Variants in TMX4 observed in about 807,000 individuals in gnomAD.
TMX4 encodes the protein thioredoxin-related transmembrane protein 4.
A neutral mutation model predicts 33.3 loss-of-function variants in TMX4; 23 were observed. The observed-to-expected ratio is 0.69, with a 90% CI of 0.50 to 0.98. The LOEUF (loss-of-function observed/expected upper bound fraction) is 0.98. Ranked by LOEUF, TMX4 falls within the 50% of genes least tolerant of loss-of-function variation. TMX4 has a pLI of 0.00. For synonymous variants in TMX4, 164 were observed against 161.5 expected, an observed-to-expected ratio of 1.02 and a Z score of -0.12; for missense variants, 399 against 448.9, an observed-to-expected ratio of 0.89 and a Z score of 1.01.
At chr20:7,990,349 A>T (rs2050649243) in intron 5 of TMX4, among the ~76,000 whole-genome samples, 1 of 152,124 alleles carries the variant, frequency 6.6e-6, no homozygotes, top group African/African-American at 2.4e-5. Flanking sequence ...ATGTCATCTG[A>T]TGGGTGTGAC....
intron 5 of TMX4, among the ~76,000 whole-genome samples, chr20:7,988,732 A>T (rs2050640938): frequency 6.6e-6 from 1 of 152,228 alleles, no homozygotes; most frequent in Non-Finnish European, 1.5e-5. Context: ...ACTGTTTATT[A>T]AGAGTAACTT....
intron 1 of TMX4, among the ~76,000 whole-genome samples, chr20:8,016,326 C>T (rs573736035): frequency 2.0e-5 from 3 of 152,188 alleles, no homozygotes; most frequent in South Asian, 2.1e-4. Context: ...GAGCTGAAAT[C>T]GCACCACTGC....
chr20:7,992,613 C>T (rs994957237), intron 5 of TMX4, among the ~76,000 whole-genome samples: 1 of 152,114 alleles, frequency 6.6e-6, no homozygotes, highest in Non-Finnish European at 1.5e-5. Flanking sequence ...GTTAAGAAGG[C>T]CAAATGCAAA....
intron 2 of TMX4, 123 bp downstream of exon 2, chr20:8,010,077 C>T: frequency 1.5e-6 from 1 of 666,112 alleles, no homozygotes; most frequent in East Asian, 3.2e-5. Context: ...TAATCTGCTA[C>T]TTAAAGGTGG....
chr20:7,991,735 A>G (rs2050655851), intron 5 of TMX4, among the ~76,000 whole-genome samples: 1 of 152,218 alleles, frequency 6.6e-6, no homozygotes, highest in East Asian at 1.9e-4. Flanking sequence ...AATAATGATT[A>G]ATACATATAA....
At chr20:7,986,341 G>A (rs1012690611) in intron 6 of TMX4, among the ~76,000 whole-genome samples, 6 of 152,144 alleles carry the variant, frequency 3.9e-5, no homozygotes, top group South Asian at 2.1e-4. Flanking sequence ...AAGTCAAATC[G>A]AGCCTCCTTG....
chr20:7,985,259 A>G (rs201310443), intron 6 of TMX4, among the ~76,000 whole-genome samples: 103 of 128,118 alleles, frequency 8.0e-4, no homozygotes, highest in East Asian at 1.9e-3. Flanking sequence ...GTGTGTGTGT[A>G]TATATATATA....
intron 5 of TMX4, among the ~76,000 whole-genome samples, chr20:7,993,747 G>T (rs1229508125): frequency 6.6e-6 from 1 of 151,654 alleles, no homozygotes; most frequent in African/African-American, 2.4e-5. Context: ...TGATATGGAG[G>T]GCAGTATCAG....
intron 6 of TMX4, among the ~76,000 whole-genome samples, chr20:7,985,320 C>T (rs1327839474): frequency 6.8e-6 from 1 of 146,774 alleles, no homozygotes; most frequent in Non-Finnish European, 1.5e-5. Context: ...GTCACCCAGG[C>T]TGGAGTACAG....
chr20:8,007,749 A>C (rs1343689755), intron 2 of TMX4, among the ~76,000 whole-genome samples: 1 of 152,172 alleles, frequency 6.6e-6, no homozygotes, highest in African/African-American at 2.4e-5. Flanking sequence ...TTACTTCCTC[A>C]ATTTATCAAG....
In TMX4 at chr20:8,019,516, G is replaced by T. The variant is rs1402940490; in HGVS notation, c.98C>A (p.Pro33Gln). Residue 33 changes from proline to glutamine, a missense_variant, in exon 1 of 8, where the codon CCG becomes CAG. Pro to Gln is a moderately conservative substitution (Grantham distance 76). Coordinates refer to ENST00000246024, the MANE Select transcript of TMX4 (RefSeq NM_021156.4). The part of the protein sequence containing the change: ...ATAGPEEAAL[P>Q]PEQSRVQPMT... ...GGGCTGGACCCGGCTCTGCTCCGGC[G>T]GCAGCGCGGCCTCCTCGGGGCCTGC... 6.7e-7 allele frequency: 1 copy of T among 1,498,258 alleles called. No homozygotes were observed. The highest frequency in any genetic ancestry group is 8.9e-7 in the Non-Finnish European group (1 of 1,124,422). 92.8% of individuals were successfully genotyped at this position (1,498,258 alleles called of 1,614,324 possible).
chr20:8,018,965 C>T (rs2050796867), intron 1 of TMX4: 1 of 437,800 alleles, frequency 2.3e-6, no homozygotes, highest in African/African-American at 2.1e-5. Flanking sequence ...AGGTAACTTG[C>T]TTAGCCTGTG....
At chr20:8,002,320 C>T (rs1290527057) in intron 2 of TMX4, among the ~76,000 whole-genome samples, 1 of 152,094 alleles carries the variant, frequency 6.6e-6, no homozygotes, top group East Asian at 1.9e-4. Flanking sequence ...CCTTTATTCT[C>T]ACAGAGCTTA....
At chr20:8,008,583 C>A (rs1017502494) in intron 2 of TMX4, among the ~76,000 whole-genome samples, 3 of 152,072 alleles carry the variant, frequency 2.0e-5, no homozygotes, top group Non-Finnish European at 2.9e-5. Flanking sequence ...CTGTTTAATT[C>A]TTTTAATTCA....
chr20:8,003,312 G>T (rs77788550), intron 2 of TMX4, among the ~76,000 whole-genome samples: 16,663 of 152,030 alleles, frequency 0.11, 1,196 homozygotes, highest in Non-Finnish European at 0.16. Context: ...ATGGAATGAA[G>T]AAATTAAATA....
chr20:7,993,784 C>A (rs1272891880), intron 5 of TMX4, among the ~76,000 whole-genome samples: 1 of 150,798 alleles, frequency 6.6e-6, no homozygotes, highest in Non-Finnish European at 1.5e-5. Context: ...AGGTAATGCA[C>A]ACACACACAC....
chr20:7,993,374 G>A (rs575109032), intron 5 of TMX4, among the ~76,000 whole-genome samples: 24 of 152,148 alleles, frequency 1.6e-4, no homozygotes, highest in African/African-American at 2.4e-4. Flanking sequence ...AAACAAATAC[G>A]TTTGCCACAA....
At chr20:7,984,534 C>A (rs1267502770) in intron 6 of TMX4, among the ~76,000 whole-genome samples, 1 of 152,146 alleles carries the variant, frequency 6.6e-6, no homozygotes, top group Non-Finnish European at 1.5e-5. Flanking sequence ...AACATTCCAT[C>A]TGAAATGATT....
At chr20:8,015,501 A>T (rs934084450) in intron 1 of TMX4, among the ~76,000 whole-genome samples, 2 of 152,232 alleles carry the variant, frequency 1.3e-5, no homozygotes, top group Admixed American at 1.3e-4. Context: ...TTCATTAAAC[A>T]TTTACTAAAT....
Sources: gnomAD v4.1 joint callset for allele counts (sites outside exome capture counted in the v4.1 genomes callset) on GRCh38, gnomAD v4.1.1 for gene constraint, MANE v1.5 for transcripts, NCBI Gene and HGNC (gene_info 2026-07-23, HGNC 2026-07-21) for gene names.